MACF1: variants seen among roughly 807,000 people sequenced by gnomAD.
MACF1 encodes microtubule actin crosslinking factor 1, also known as microtubule-actin cross-linking factor 1.
A neutral mutation model predicts 854.8 loss-of-function variants in MACF1; 193 were observed. The observed-to-expected ratio is 0.23, with a 90% CI of 0.20 to 0.25. MACF1 has a LOEUF of 0.25. Among genes scored for constraint, MACF1 ranks in the 10% least tolerant of loss-of-function variants. MACF1 has a pLI of 1.00. For synonymous variants in MACF1, 3,185 were observed against 3,226.7 expected (o/e 0.99, Z 0.44); for missense variants, 7,722 against 8,929.1 (o/e 0.86, Z 5.45).
chr1:39,361,249 C>A, intron 48 of MACF1, 111 bp from the exon 49 acceptor site: 1 of 1,057,434 alleles, frequency 9.5e-7, no homozygotes, highest in Non-Finnish European at 1.4e-6. Context: ...TCTGGAGGCT[C>A]GGTTGCAGTC....
intron 1 of MACF1, among the ~76,000 whole-genome samples, chr1:39,215,894 T>C (rs1036020806): frequency 1.3e-5 from 2 of 151,968 alleles, no homozygotes; most frequent in African/African-American, 2.4e-5. Flanking sequence ...CTGCCAGCTG[T>C]GACAGAGAGA....
chr1:39,120,072 C>T (rs56096822), intron 2 of MACF1, among the ~76,000 whole-genome samples: 2,620 of 151,572 alleles, frequency 0.017, 30 homozygotes, highest in Non-Finnish European at 0.027. Flanking sequence ...TTAGTAGAGA[C>T]GGGGTTTCTC....
chr1:39,142,808 C>G (rs1313775367), intron 2 of MACF1, among the ~76,000 whole-genome samples: 2 of 152,200 alleles, frequency 1.3e-5, no homozygotes, highest in Non-Finnish European at 1.5e-5. Context: ...ATGGCAGTAG[C>G]CAGGTTACCA....
At chr1:39,328,147 C>A (rs550709660) in intron 36 of MACF1, among the ~76,000 whole-genome samples, 7 of 152,244 alleles carry the variant, frequency 4.6e-5, no homozygotes, top group East Asian at 3.9e-4. Flanking sequence ...TGATTCTGAT[C>A]CTTGGATATA....
intron 2 of MACF1, among the ~76,000 whole-genome samples, chr1:39,187,015 A>G (rs749297276): frequency 2.9e-5 from 4 of 139,892 alleles, no homozygotes; most frequent in Non-Finnish European, 6.2e-5. Flanking sequence ...TTTGAACATT[A>G]TCTGTTGATA....
rs1466053249 is a variant in MACF1, at chr1:39,296,768, AAGGAAAAG to A, written c.2356-850_2356-843del. ...AAAGAAAGAAAGGAAGGAAGGAAGG[AAGGAAAAG>A]AAAGAAAGAAAGAAAGGAAGGAAGG... On this transcript the variant is annotated intron_variant, in intron 20 of 100. Transcript: ENST00000564288. Among the ~76,000 whole-genome samples, 10 of 77,134 alleles carry A rather than the reference AAGGAAAAG, an allele frequency of 1.3e-4. No homozygotes were observed. The East Asian group carries it at 2.2e-3, about 17-fold the overall frequency. The allele number at this position is 77,134 out of a possible 152,430, so 50.6% of individuals were successfully genotyped here.
In MACF1 at chr1:39,333,528, C is replaced by G; in HGVS notation, c.6940C>G (p.Arg2314Gly). Reference protein sequence around the residue: ...QKLLLNEAISRGIVPSHTAVK... With the variant: ...QKLLLNEAISGGIVPSHTAVK... ...GCTCTTACTAAATGAAGCAATATCC[C>G]GAGGCATTGTGCCAAGTCACACTGC... The change falls in exon 37 of 101, where the codon CGA (arginine) becomes GGA (glycine). Residue 2314 changes from arginine (R) to glycine (G), a missense_variant. Arg to Gly is a moderately radical substitution (Grantham distance 125, BLOSUM62 -2). Around this residue, in one of 15 missense-constraint regions of MACF1, gnomAD observed 1,531 missense variants for 1,601.6 expected, o/e 0.96. Coordinates refer to ENST00000564288, the MANE Select transcript of MACF1 (RefSeq NM_001394062.1). 6.2e-7 allele frequency: 1 copy of G among 1,614,126 alleles called. No individual in the cohort carries two copies. Among genetic ancestry groups the G allele is most frequent in the Non-Finnish European group, 8.5e-7 (1 of 1,180,020 alleles).
intron 2 of MACF1, among the ~76,000 whole-genome samples, chr1:39,234,227 C>T (rs1644823789): frequency 6.6e-6 from 1 of 152,126 alleles, no homozygotes; most frequent in South Asian, 2.1e-4. Context: ...ATTTCTCAAT[C>T]TTTTCCCCAC....
chr1:39,359,350 A>T lies in MACF1; in HGVS notation c.12244+86A>T, dbSNP rs1647862731. The T allele has an allele frequency of 1.7e-5, 25 of 1,463,116 alleles. No individual in the cohort carries two copies. The South Asian group carries it at 2.9e-4, about 17-fold the overall frequency. 90.6% of individuals were successfully genotyped at this position (1,463,116 alleles called of 1,614,324 possible). A position where few individuals can be genotyped will look rare whatever the true frequency, so the allele number is the denominator to read the frequency against. ...CAATATGTCACATTGTGTTGTGCAA[A>T]TATCTGTGGTGCCAGGCTAGAGGCT... On this transcript the variant is annotated intron_variant, in intron 47 of 100. Coordinates refer to ENST00000564288, the MANE Select transcript of MACF1 (RefSeq NM_001394062.1).
chr1:39,442,109 G>T (rs747230293), intron 75 of MACF1, 38 bp from the exon 76 acceptor site: 1 of 1,592,364 alleles, frequency 6.3e-7, no homozygotes, highest in South Asian at 1.1e-5. Flanking sequence ...GTTTTTAAAG[G>T]CTTGATTTGA....
At chr1:39,264,202 A>G (rs946188786) in intron 6 of MACF1, among the ~76,000 whole-genome samples, 9 of 152,212 alleles carry the variant, frequency 5.9e-5, no homozygotes, top group Admixed American at 4.6e-4. Flanking sequence ...ATCTGTGTAT[A>G]TGCATCCTTG....
At chr1:39,215,353 CAG>C (rs1009785433) in intron 1 of MACF1, 3 of 152,564 alleles carry the variant, frequency 2.0e-5, no homozygotes, top group Non-Finnish European at 2.9e-5. Context: ...TCAGCAGACA[CAG>C]GGGCGCCATG....
intron 40 of MACF1, among the ~76,000 whole-genome samples, chr1:39,343,212 T>A (rs954623939): frequency 1.3e-5 from 2 of 152,236 alleles, no homozygotes; most frequent in Non-Finnish European, 1.5e-5. Context: ...ATCAACCCTC[T>A]GCTATAGAGA....
At position 39,345,624 on chromosome 1, in the gene MACF1, T is replaced by G. The variant is rs116305655; in HGVS notation, c.10582-1353T>G. Among the ~76,000 whole-genome samples, 882 of 152,070 alleles carry G rather than the reference T, an allele frequency of 5.8e-3. 10 individuals are homozygous for G. Among genetic ancestry groups the G allele is most frequent in the African/African-American group, 0.02 (823 of 41,476 alleles). On this transcript the variant is annotated intron_variant, in intron 40 of 100. Transcript: ENST00000564288. ...AGATCTTGTCTCAAAAACAAAAATTTTAGCGAATCATAAACAAATTATATA... is the reference window on the plus strand; with the variant it reads ...AGATCTTGTCTCAAAAACAAAAATTGTAGCGAATCATAAACAAATTATATA...
intron 74 of MACF1, 42 bp downstream of exon 74, chr1:39,441,367 G>A: frequency 6.6e-7 from 1 of 1,526,176 alleles, no homozygotes; most frequent in Non-Finnish European, 9.0e-7. Flanking sequence ...TACAGGTTCT[G>A]TTTTTTGCCA....
intron 44 of MACF1, among the ~76,000 whole-genome samples, chr1:39,355,200 G>A (rs1647430858): frequency 6.6e-6 from 1 of 152,130 alleles, no homozygotes; most frequent in Non-Finnish European, 1.5e-5. Flanking sequence ...GTCCCCCAAA[G>A]CCCTGGTAGT....
chr1:39,357,439 C>T lies in MACF1; in HGVS notation c.11489C>T (p.Ala3830Val), dbSNP rs1157866304. Residue 3830 changes from alanine to valine, a missense_variant, in exon 45 of 101, where the codon GCC becomes GTC. Ala to Val is a moderately conservative substitution (Grantham distance 64). This residue lies in a region of MACF1 where 2,807 missense variants were observed against 3,235.8 expected (regional missense o/e 0.87). Coordinates refer to ENST00000564288, the MANE Select transcript of MACF1 (RefSeq NM_001394062.1). ...ATTCTGGCCACCCAGTCAGCTCAGG[C>T]CTTCTTGGATCAGCATGGCCACAAT... is the stretch of plus-strand genomic sequence containing the variant. Reference protein sequence around the residue: ...NFILATQSAQAFLDQHGHNLT... With the variant: ...NFILATQSAQVFLDQHGHNLT... The T allele has an allele frequency of 1.9e-6, 3 of 1,614,140 alleles. No homozygotes were observed. In the African/African-American group the frequency reaches 4.0e-5, roughly 22 times the overall value.
intron 2 of MACF1, among the ~76,000 whole-genome samples, chr1:39,194,136 A>G (rs1644288168): frequency 1.3e-5 from 2 of 152,012 alleles, no homozygotes; most frequent in East Asian, 3.9e-4. Context: ...CCTGGCCAAG[A>G]GTGAGTTTTC....
rs534342201 is a variant in MACF1 at position 39,281,281 on chromosome 1, G to A, written c.529-927G>A. Among the ~76,000 whole-genome samples the A allele has an allele frequency of 2.5e-4, 38 of 152,200 alleles. No individual in the cohort carries two copies. In the East Asian group the frequency reaches 6.2e-3, roughly 25 times the overall value. ...AGGTAACTATGATTATTAGTTTGCTGTATTTCTCACATACGTACAGTATTT... is the reference window on the plus strand; with the variant it reads ...AGGTAACTATGATTATTAGTTTGCTATATTTCTCACATACGTACAGTATTT... On this transcript the variant is annotated intron_variant, in intron 6 of 100. Coordinates refer to ENST00000564288, the MANE Select transcript of MACF1 (RefSeq NM_001394062.1).
Sources: allele counts gnomAD v4.1 joint callset (sites outside exome capture counted in the v4.1 genomes callset), GRCh38; gene constraint gnomAD v4.1.1; regional missense constraint gnomAD v4.1.1; transcripts MANE v1.5; gene names NCBI Gene and HGNC (gene_info 2026-07-23, HGNC 2026-07-21).